TBC1D25: variants seen among roughly 807,000 people sequenced by gnomAD.
The protein encoded by TBC1D25 is TBC1 domain family member 25.
TBC1D25 carries 13 observed loss-of-function variants against 38.8 expected under a neutral mutation model. The observed-to-expected ratio is 0.34, with a 90% CI of 0.22 to 0.53. The LOEUF is 0.53. TBC1D25 is among the 20% of genes least tolerant of loss of function. TBC1D25 has a pLI of 0.94. For missense variants in TBC1D25, 372 were observed against 600.0 expected (o/e 0.62, Z 3.97); for synonymous variants, 225 against 255.6 (o/e 0.88, Z 1.14).
chrX:48,552,354 T>A (rs1443025286), intron 3 of TBC1D25, among the ~76,000 whole-genome samples: 1 of 59,800 alleles, frequency 1.7e-5, no homozygotes, highest in Non-Finnish European at 2.7e-5. Context: ...GCCCGGCTAA[T>A]TTTTTTTTTT....
chrX:48,550,009 G>A (rs1042824780), intron 3 of TBC1D25, among the ~76,000 whole-genome samples: 1 of 104,287 alleles, frequency 9.6e-6, no homozygotes, highest in Non-Finnish European at 2.0e-5. Context: ...TTTTTGAGAC[G>A]AAGTTTTACT....
intron 3 of TBC1D25, among the ~76,000 whole-genome samples, chrX:48,556,181 G>GACA (rs2061973565): frequency 1.8e-5 from 2 of 110,543 alleles, no homozygotes; most frequent in African/African-American, 6.6e-5. Context: ...GGAAACTTTG[G>GACA]ACAATACCCA....
chrX:48,555,932 G>A (rs782503872), intron 3 of TBC1D25, among the ~76,000 whole-genome samples: 2 of 108,054 alleles, frequency 1.9e-5, no homozygotes, highest in South Asian at 4.1e-4. Context: ...AGCATATCTC[G>A]CCTCCAGCCA....
In TBC1D25 at chrX:48,559,720, A is replaced by C. The variant is rs1556985503; in HGVS notation, c.812A>C (p.Glu271Ala). ...KSREYEQLKS[E>A]WAQRANPEDL... ...CGCGAGTATGAGCAGCTCAAGAGCG[A>C]GTGGGCCCAGCGAGCGAACCCTGAG... Residue 271 changes from glutamate (E) to alanine (A), a missense_variant, in exon 6 of 6, where the codon GAG becomes GCG. Coordinates refer to ENST00000376771, the MANE Select transcript of TBC1D25 (RefSeq NM_002536.4). The C allele has an allele frequency of 8.3e-7, 1 of 1,210,336 alleles. No homozygotes were observed. The highest frequency in any genetic ancestry group is 1.7e-5 in the African/African-American group (1 of 57,255).
At chrX:48,540,421 A>T (rs1337226544) in intron 1 of TBC1D25, among the ~76,000 whole-genome samples, 1 of 112,424 alleles carries the variant, frequency 8.9e-6, no homozygotes, top group African/African-American at 3.2e-5. Context: ...AAGGTTGTAC[A>T]GGGAAATCCC....
chrX:48,550,214 T>G (rs2061918941), intron 3 of TBC1D25, among the ~76,000 whole-genome samples: 1 of 111,324 alleles, frequency 9.0e-6, no homozygotes, highest in Non-Finnish European at 1.9e-5. Context: ...GTCGAACTTA[T>G]GACCTCAGGT....
In TBC1D25 at chrX:48,539,771, C is replaced by T. The variant is rs782222361; in HGVS notation, c.-27C>T. ...GCCGGGGTGGGGGGCAACGGTCAGCCGTCACCCTGAGACGGGCGGCGGCGG... is the reference window on the plus strand; with the variant it reads ...GCCGGGGTGGGGGGCAACGGTCAGCTGTCACCCTGAGACGGGCGGCGGCGG... On this transcript the variant is annotated 5_prime_UTR_variant, in exon 1 of 6. Coordinates refer to ENST00000376771, the MANE Select transcript of TBC1D25 (RefSeq NM_002536.4). 8.9e-5 allele frequency: 85 copies of T among 952,449 alleles called. No individual in the cohort carries two copies. The highest frequency in any genetic ancestry group is 1.1e-4 in the Non-Finnish European group (83 of 762,572). 78.5% of individuals were successfully genotyped at this position (952,449 alleles called of 1,213,427 possible). A position where few individuals can be genotyped will look rare whatever the true frequency, so the allele number is the denominator to read the frequency against.
intron 3 of TBC1D25, among the ~76,000 whole-genome samples, chrX:48,550,330 C>T (rs184577701): frequency 8.9e-5 from 10 of 111,846 alleles, no homozygotes; most frequent in Admixed American, 4.8e-4. Flanking sequence ...TGCAGTGATT[C>T]GAAATGCCAC....
At position 48,544,972 on chromosome X, in the gene TBC1D25, G is replaced by A. The variant is rs1236912903; in HGVS notation, c.337G>A (p.Ala113Thr). ...DWDLSTAFAT[A>T]SKPYLQLRVD... ...GGACCTCAGCACAGCCTTTGCCACT[G>A]CCTCCAAACCTTACCTGCAATTGCG... Residue 113 changes from alanine (A) to threonine (T), a missense_variant, in exon 3 of 6, where the codon GCC becomes ACC. Physicochemically the swap from Ala to Thr is moderately conservative, Grantham distance 58. Around this residue, in one of 2 missense-constraint regions of TBC1D25, gnomAD observed 312 missense variants for 549.3 expected, o/e 0.57. Coordinates refer to ENST00000376771, the MANE Select transcript of TBC1D25 (RefSeq NM_002536.4). 8.3e-7 allele frequency: 1 copy of A among 1,209,993 alleles called. No homozygotes were observed. Among genetic ancestry groups the A allele is most frequent in the African/African-American group, 1.8e-5 (1 of 57,136 alleles).
chrX:48,559,843 G>A lies in TBC1D25; in HGVS notation c.935G>A (p.Arg312Gln), dbSNP rs1197009419. 1.2e-5 allele frequency: 15 copies of A among 1,211,537 alleles called. No homozygotes were observed. The highest frequency in any genetic ancestry group is 1.2e-4 in the East Asian group (4 of 33,816). Residue 312 changes from arginine to glutamine, a missense_variant, in exon 6 of 6, where the codon CGG (arginine) becomes CAG (glutamine). By Grantham distance (43) the Arg-to-Gln change is conservative. Around this residue, in one of 2 missense-constraint regions of TBC1D25, gnomAD observed 312 missense variants for 549.3 expected, o/e 0.57. Coordinates refer to ENST00000376771, the MANE Select transcript of TBC1D25 (RefSeq NM_002536.4). ...YAGPEDGPHLRALHDLLTTYA... is the reference protein window; with the variant it reads ...YAGPEDGPHLQALHDLLTTYA... ...GGGCCTGAGGATGGCCCACATCTACGGGCGCTGCACGACCTGCTCACCACC... is the reference window on the plus strand; with the variant it reads ...GGGCCTGAGGATGGCCCACATCTACAGGCGCTGCACGACCTGCTCACCACC...
chrX:48,548,700 G>A (rs2147178664), intron 3 of TBC1D25, among the ~76,000 whole-genome samples: 1 of 111,325 alleles, frequency 9.0e-6, no homozygotes, highest in East Asian at 2.8e-4. Context: ...TGCCCCGAGG[G>A]AATCGGTTTG....
intron 3 of TBC1D25, among the ~76,000 whole-genome samples, chrX:48,545,396 A>G (rs28702855): frequency 0.087 from 9,817 of 112,432 alleles, 355 homozygotes; most frequent in Middle Eastern, 0.17. Flanking sequence ...GATTTATAAT[A>G]TAGTATAACG....
chrX:48,550,850 AGG>A (rs1292274787), intron 3 of TBC1D25, among the ~76,000 whole-genome samples: 1 of 110,428 alleles, frequency 9.1e-6, no homozygotes, highest in Non-Finnish European at 1.9e-5. Flanking sequence ...TAGTAGAGGC[AGG>A]GTTTCACCGT....
intron 3 of TBC1D25, among the ~76,000 whole-genome samples, chrX:48,551,512 G>A (rs2061932793): frequency 9.1e-6 from 1 of 110,174 alleles, no homozygotes; most frequent in South Asian, 3.8e-4. Context: ...ATTTTTAGTA[G>A]AGACGGGGTT....
intron 3 of TBC1D25, among the ~76,000 whole-genome samples, chrX:48,545,724 G>C (rs888140877): frequency 8.9e-6 from 1 of 112,118 alleles, no homozygotes; most frequent in African/African-American, 3.2e-5. Context: ...TAGTCGTTTT[G>C]TGCTACTATA....
At chrX:48,559,066 C>T in intron 4 of TBC1D25, 42 bp downstream of exon 4, 1 of 1,206,820 alleles carries the variant, frequency 8.3e-7, no homozygotes. Flanking sequence ...GGTTGGAGGG[C>T]AGAGCCTTCC....
chrX:48,542,325 C>T (rs2061846791), intron 2 of TBC1D25, among the ~76,000 whole-genome samples: 1 of 108,124 alleles, frequency 9.2e-6, no homozygotes, highest in Non-Finnish European at 1.9e-5. Context: ...CGCACCACCA[C>T]GCCTGCTAAT....
chrX:48,542,026 C>CTT (rs782768482), intron 2 of TBC1D25, among the ~76,000 whole-genome samples: 39,235 of 87,657 alleles, frequency 0.45, 8,125 homozygotes, highest in African/African-American at 0.59. Context: ...CTTTTTATTT[C>CTT]TTTTTTTTTT....
intron 2 of TBC1D25, among the ~76,000 whole-genome samples, chrX:48,544,432 C>T (rs1299283241): frequency 9.2e-6 from 1 of 109,247 alleles, no homozygotes; most frequent in South Asian, 4.0e-4. Flanking sequence ...ATTCTCCTGC[C>T]TCAGCCTCCT....
Sources: gnomAD v4.1 joint callset for allele counts (sites outside exome capture counted in the v4.1 genomes callset) on GRCh38, gnomAD v4.1.1 for gene constraint, gnomAD v4.1.1 regional missense constraint, MANE v1.5 for transcripts, NCBI Gene and HGNC (gene_info 2026-07-23, HGNC 2026-07-21) for gene names.